TMEM248: variants seen among roughly 807,000 people sequenced by gnomAD.
TMEM248 encodes UPF0458 protein C7orf42.
TMEM248 carries 9 observed loss-of-function variants against 30.3 expected under a neutral mutation model. That is an observed-to-expected ratio of 0.30 (90% confidence interval 0.18 to 0.52). TMEM248 has a LOEUF of 0.52. Ranked by LOEUF, TMEM248 falls within the 20% of genes least tolerant of loss-of-function variation. The pLI is 0.97. For synonymous variants in TMEM248, 184 were observed against 154.4 expected (o/e 1.19, Z -1.42); for missense variants, 338 against 403.3 (o/e 0.84, Z 1.39).
At chr7:66,929,637 T>C (rs1303811225) in intron 1 of TMEM248, among the ~76,000 whole-genome samples, 1 of 151,852 alleles carries the variant, frequency 6.6e-6, no homozygotes, top group East Asian at 2.0e-4. Flanking sequence ...GGGTTTCATG[T>C]TGGCCAGGAT....
intron 1 of TMEM248, among the ~76,000 whole-genome samples, chr7:66,932,585 G>A (rs556574664): frequency 2.9e-4 from 42 of 146,556 alleles, no homozygotes; most frequent in Middle Eastern, 3.8e-3. Flanking sequence ...GCGTGATCTC[G>A]GCTCACTGCA....
chr7:66,950,888 G>A, intron 4 of TMEM248, 64 bp from the exon 5 acceptor site: 1 of 1,358,518 alleles, frequency 7.4e-7, no homozygotes, highest in East Asian at 2.6e-5. Context: ...CTGCTGTGGG[G>A]GTGACACAAG....
At chr7:66,936,046 C>T (rs1791794936) in intron 1 of TMEM248, among the ~76,000 whole-genome samples, 2 of 152,150 alleles carry the variant, frequency 1.3e-5, no homozygotes, top group South Asian at 4.1e-4. Flanking sequence ...AGTTTGGATG[C>T]CCTTTATTTC....
At chr7:66,936,361 AT>A (rs781602136) in intron 1 of TMEM248, among the ~76,000 whole-genome samples, 7 of 152,194 alleles carry the variant, frequency 4.6e-5, no homozygotes, top group South Asian at 4.1e-4. Flanking sequence ...TATCGCTTTG[AT>A]TTATCTGCAT....
chr7:66,931,725 A>G (rs1584399038), intron 1 of TMEM248, among the ~76,000 whole-genome samples: 1 of 145,658 alleles, frequency 6.9e-6, no homozygotes. Context: ...CAATCCTTCC[A>G]TCTCAGCCTC....
At chr7:66,948,940 C>T (rs957087940) in intron 4 of TMEM248, among the ~76,000 whole-genome samples, 1 of 152,122 alleles carries the variant, frequency 6.6e-6, no homozygotes, top group Admixed American at 6.6e-5. Flanking sequence ...AGTAAAAGCA[C>T]CTGGCTGTTG....
At position 66,933,530 on chromosome 7, in the gene TMEM248, A is replaced by G. The variant is rs571460243; in HGVS notation, c.-18-8318A>G. Among the ~76,000 whole-genome samples the G allele has an allele frequency of 1.6e-3, 243 of 152,350 alleles. 1 individual carries two copies. Among genetic ancestry groups the G allele is most frequent in the Non-Finnish European group, 2.4e-3 (166 of 68,044 alleles). On this transcript the variant is annotated intron_variant, in intron 1 of 6. Coordinates refer to ENST00000341567, the MANE Select transcript of TMEM248 (RefSeq NM_017994.5). ...AGAAGTAGAATGTTGGAGATAAAAT[A>G]TGCCAGATTTTAACACTATTGATAT... is the stretch of plus-strand genomic sequence containing the variant.
intron 1 of TMEM248, among the ~76,000 whole-genome samples, chr7:66,935,249 C>T (rs1791772518): frequency 6.6e-6 from 1 of 150,652 alleles, no homozygotes; most frequent in African/African-American, 2.4e-5. Context: ...GTGGCGCAAT[C>T]TCAGCTCACT....
intron 1 of TMEM248, among the ~76,000 whole-genome samples, chr7:66,939,390 G>C (rs142510489): frequency 6.6e-6 from 1 of 152,252 alleles, no homozygotes; most frequent in South Asian, 2.1e-4. Flanking sequence ...GAAATTCAAC[G>C]AACTAGATCA....
At chr7:66,941,063 A>G (rs1462236915) in intron 1 of TMEM248, among the ~76,000 whole-genome samples, 1 of 152,002 alleles carries the variant, frequency 6.6e-6, no homozygotes, top group East Asian at 1.9e-4. Flanking sequence ...CAGCCTGGGC[A>G]ACATAGCGAG....
intron 1 of TMEM248, chr7:66,922,240 C>T (rs1791404314): frequency 6.6e-6 from 1 of 152,162 alleles, no homozygotes; most frequent in Non-Finnish European, 1.5e-5. Flanking sequence ...TCTTTCCTGC[C>T]TCAAAGGTGA....
intron 1 of TMEM248, among the ~76,000 whole-genome samples, chr7:66,931,981 CT>C (rs966964593): frequency 6.7e-6 from 1 of 149,864 alleles, no homozygotes; most frequent in African/African-American, 2.5e-5. Context: ...ATTTTTTGTA[CT>C]TTTAGTAGAG....
intron 1 of TMEM248, among the ~76,000 whole-genome samples, chr7:66,927,837 A>T (rs1307793773): frequency 6.6e-6 from 1 of 152,164 alleles, no homozygotes; most frequent in Non-Finnish European, 1.5e-5. Context: ...GAAACAAGAC[A>T]CTATTGGCAG....
intron 3 of TMEM248, 93 bp from the exon 4 acceptor site, chr7:66,948,451 C>T (rs755198718): frequency 4.8e-6 from 7 of 1,453,158 alleles, no homozygotes; most frequent in Non-Finnish European, 6.5e-6. Flanking sequence ...TAGATGATTC[C>T]TGTGTGGGTT....
chr7:66,928,086 G>A (rs1791570504), intron 1 of TMEM248, among the ~76,000 whole-genome samples: 1 of 151,880 alleles, frequency 6.6e-6, no homozygotes, highest in Non-Finnish European at 1.5e-5. Flanking sequence ...CTGCTGGTGG[G>A]CGCCTGTAAT....
intron 4 of TMEM248, among the ~76,000 whole-genome samples, chr7:66,950,520 G>T (rs1186764448): frequency 3.9e-5 from 6 of 152,178 alleles, no homozygotes. Context: ...TGACCATGCT[G>T]AACTGTGAGT....
chr7:66,942,379 T>G (rs903202512), intron 2 of TMEM248, among the ~76,000 whole-genome samples: 1 of 152,278 alleles, frequency 6.6e-6, no homozygotes, highest in Admixed American at 6.5e-5. Flanking sequence ...AACTGAACAT[T>G]TGGTATTTTA....
chr7:66,923,189 A>T (rs949722413), intron 1 of TMEM248, among the ~76,000 whole-genome samples: 10 of 151,516 alleles, frequency 6.6e-5, no homozygotes, highest in Admixed American at 4.6e-4. Flanking sequence ...TCTGTTGCCT[A>T]GGCTGGAGTG....
chr7:66,935,433 T>C (rs1170726916), intron 1 of TMEM248, among the ~76,000 whole-genome samples: 1 of 152,222 alleles, frequency 6.6e-6, no homozygotes, highest in Non-Finnish European at 1.5e-5. Flanking sequence ...TCCACCCACC[T>C]TGGCCTCCCA....
Sources: allele counts gnomAD v4.1 joint callset (sites outside exome capture counted in the v4.1 genomes callset), GRCh38; gene constraint gnomAD v4.1.1; transcripts MANE v1.5; gene names NCBI Gene and HGNC (gene_info 2026-07-23, HGNC 2026-07-21).